Variants in SUPT3H observed in about 807,000 individuals in gnomAD.
The protein encoded by SUPT3H is transcription initiation protein SPT3 homolog.
Under a neutral mutation model 44.3 loss-of-function variants are expected in SUPT3H, and 44 were observed. That is an observed-to-expected ratio of 0.99 (90% CI 0.78 to 1.28). The LOEUF (loss-of-function observed/expected upper bound fraction) is 1.28, where lower values mean the gene tolerates loss of function less well. Among genes scored for constraint, SUPT3H ranks in the 50% most tolerant of loss-of-function variants. The probability of loss-of-function intolerance (pLI) is 0.00; values close to 1 mark genes in which losing one functional copy is unlikely to be tolerated. For missense variants in SUPT3H, 380 were observed against 387.1 expected (o/e 0.98, Z 0.15); for synonymous variants, 124 against 125.6 (o/e 0.99, Z 0.09).
chr6:45,010,077 A>G (rs1393153672), intron 5 of SUPT3H, among the ~76,000 whole-genome samples: 1 of 151,968 alleles, frequency 6.6e-6, no homozygotes, highest in African/African-American at 2.4e-5. Flanking sequence ...ATTCCAAAAT[A>G]TTTTATTCTT....
chr6:45,230,942 A>G (rs563732983), intron 2 of SUPT3H, among the ~76,000 whole-genome samples: 75 of 152,086 alleles, frequency 4.9e-4, no homozygotes, highest in African/African-American at 1.8e-3. Context: ...AAGTGCTGGG[A>G]TTACAGGCGT....
chr6:44,981,269 G>A (rs1203112530), intron 6 of SUPT3H, among the ~76,000 whole-genome samples: 1 of 151,896 alleles, frequency 6.6e-6, no homozygotes, highest in Non-Finnish European at 1.5e-5. Context: ...AATGAAGGAT[G>A]GATTTTAATG....
At chr6:45,267,036 T>C (rs1202663329) in intron 2 of SUPT3H, among the ~76,000 whole-genome samples, 6 of 152,158 alleles carry the variant, frequency 3.9e-5, no homozygotes, top group Non-Finnish European at 8.8e-5. Flanking sequence ...ATAAGGTATA[T>C]ACGAAACATA....
chr6:45,311,358 A>G (rs1166003109), intron 2 of SUPT3H, among the ~76,000 whole-genome samples: 4 of 152,212 alleles, frequency 2.6e-5, no homozygotes, highest in Non-Finnish European at 4.4e-5. Flanking sequence ...CCTGAGGAAG[A>G]AGACAATTCT....
At chr6:45,029,417 TACTC>T (rs1049676649) in intron 3 of SUPT3H, among the ~76,000 whole-genome samples, 1 of 151,154 alleles carries the variant, frequency 6.6e-6, no homozygotes, top group African/African-American at 2.4e-5. Context: ...TATATATAAT[TACTC>T]AGTTACAATC....
intron 2 of SUPT3H, among the ~76,000 whole-genome samples, chr6:45,150,932 A>G (rs1224009303): frequency 6.6e-6 from 1 of 151,998 alleles, no homozygotes; most frequent in Non-Finnish European, 1.5e-5. Context: ...CACCCTGGGC[A>G]GGCTGGTCTC....
chr6:45,071,715 C>A (rs1473433286), intron 3 of SUPT3H, among the ~76,000 whole-genome samples: 1 of 152,168 alleles, frequency 6.6e-6, no homozygotes, highest in Non-Finnish European at 1.5e-5. Flanking sequence ...GACAAGCCAT[C>A]TTAAGTCTTT....
intron 2 of SUPT3H, among the ~76,000 whole-genome samples, chr6:45,348,633 C>A (rs1420020191): frequency 6.7e-6 from 1 of 150,164 alleles, no homozygotes; most frequent in African/African-American, 2.5e-5. Flanking sequence ...CAAGATCCCA[C>A]CACTGCACTC....
chr6:44,951,167 T>C (rs1466733851), intron 9 of SUPT3H, among the ~76,000 whole-genome samples: 1 of 152,032 alleles, frequency 6.6e-6, no homozygotes, highest in African/African-American at 2.4e-5. Context: ...AACTTCTACC[T>C]TATCATAGTC....
chr6:45,158,299 T>TATATATATATATATA lies in SUPT3H; in HGVS notation c.102-52294_102-52293insTATATATATATATAT, dbSNP rs1491302388. On this transcript the variant is annotated intron_variant, in intron 2 of 10. Transcript: ENST00000371459. ...ACATATATATATATATATATATATA[T>TATATATATATATATA]TTTTTTTTTTTTTTTTTTGAGATGG... is the stretch of plus-strand genomic sequence containing the variant. Among the ~76,000 whole-genome samples the TATATATATATATATA allele has an allele frequency of 3.4e-3, 46 of 13,380 alleles. 1 individual carries two copies. The highest frequency in any genetic ancestry group is 0.036 in the Middle Eastern group (1 of 28). 8.8% of individuals were successfully genotyped at this position (13,380 alleles called of 152,430 possible). A position where few individuals can be genotyped will look rare whatever the true frequency, so the allele number is the denominator to read the frequency against.
intron 3 of SUPT3H, among the ~76,000 whole-genome samples, chr6:45,049,271 G>C (rs1417424979): frequency 3.9e-5 from 6 of 152,112 alleles, no homozygotes; most frequent in African/African-American, 1.4e-4. Flanking sequence ...TCTGGTGCTG[G>C]ATCTCATTTA....
At chr6:45,257,870 G>C (rs942452001) in intron 2 of SUPT3H, among the ~76,000 whole-genome samples, 1 of 152,108 alleles carries the variant, frequency 6.6e-6, no homozygotes, top group East Asian at 1.9e-4. Flanking sequence ...AGATGACTTT[G>C]CCACAAAATA....
At position 45,052,635 on chromosome 6, in the gene SUPT3H, C is replaced by A. The variant is rs117504089; in HGVS notation, c.187-32003G>T. 4.0e-4 allele frequency among the ~76,000 whole-genome samples: 61 copies of A among 152,294 alleles called. No homozygotes were observed. The East Asian group carries it at 0.011, about 27-fold the overall frequency. On this transcript the variant is annotated intron_variant, in intron 3 of 10. Coordinates refer to ENST00000371459, the MANE Select transcript of SUPT3H (RefSeq NM_003599.4). ...ACAAAACAAAACCTCTACATAAATA[C>A]GGTTCTTAGAAAATGCCCCATTATT...
chr6:44,887,033 A>C (rs1401151761), intron 10 of SUPT3H, among the ~76,000 whole-genome samples: 3 of 152,196 alleles, frequency 2.0e-5, no homozygotes, highest in African/African-American at 4.8e-5. Context: ...GCCATTACAT[A>C]ATGGTAAAGG....
At chr6:45,325,606 C>T (rs1388506457) in intron 2 of SUPT3H, among the ~76,000 whole-genome samples, 1 of 151,514 alleles carries the variant, frequency 6.6e-6, no homozygotes, top group African/African-American at 2.4e-5. Flanking sequence ...ACTAACATGT[C>T]CCCAGAGAGG....
intron 2 of SUPT3H, among the ~76,000 whole-genome samples, chr6:45,293,369 C>A (rs143839069): frequency 6.6e-6 from 1 of 152,110 alleles, no homozygotes; most frequent in African/African-American, 2.4e-5. Context: ...GCCCTAAACA[C>A]CAACATCAAA....
chr6:44,951,358 T>A (rs2153472979), intron 9 of SUPT3H, among the ~76,000 whole-genome samples: 1 of 152,098 alleles, frequency 6.6e-6, no homozygotes, highest in South Asian at 2.1e-4. Flanking sequence ...ATATCCTGTC[T>A]CCCTGAACAG....
chr6:44,993,057 G>A (rs1254508830), intron 6 of SUPT3H, among the ~76,000 whole-genome samples: 1 of 152,074 alleles, frequency 6.6e-6, no homozygotes, highest in South Asian at 2.1e-4. Context: ...CAACTACTTG[G>A]GAGGCTCAGG....
intron 2 of SUPT3H, among the ~76,000 whole-genome samples, chr6:45,211,826 C>T (rs1196797164): frequency 3.4e-5 from 5 of 147,268 alleles, no homozygotes; most frequent in South Asian, 2.2e-4. Context: ...TCCAGCCTGG[C>T]GACACAGCAA....
Sources: allele counts gnomAD v4.1 joint callset (sites outside exome capture counted in the v4.1 genomes callset), GRCh38; gene constraint gnomAD v4.1.1; transcripts MANE v1.5; gene names NCBI Gene and HGNC (gene_info 2026-07-23, HGNC 2026-07-21).